Variants in ZMYM1 observed in about 807,000 individuals in gnomAD.
The protein encoded by ZMYM1 is zinc finger MYM-type containing 1.
In ZMYM1, 39 loss-of-function variants were observed where a neutral mutation model predicts 60.0. The observed-to-expected ratio is 0.65, with a 90% CI of 0.50 to 0.85. ZMYM1 has a LOEUF of 0.85. Ranked by LOEUF, ZMYM1 falls within the 40% of genes least tolerant of loss-of-function variation. The pLI, the probability that ZMYM1 is intolerant of heterozygous loss-of-function variation, is 0.00. For synonymous variants in ZMYM1, 413 were observed against 454.0 expected (o/e 0.91, Z 1.15); for missense variants, 1,171 against 1,309.5 (o/e 0.89, Z 1.63).
Position 35,114,082 on chromosome 1 carries a change from A to G in ZMYM1, c.2252A>G (p.Asp751Gly). ...ATACATTGTTATGCACACTTTTTGG[A>G]TTTATCAATAATTAGGTTTTGTAAA... is the stretch of plus-strand genomic sequence containing the variant. ...LYIHCYAHFL[D>G]LSIIRFCKEV... The change falls in exon 10 of 10, where the codon GAT becomes GGT. Residue 751 changes from aspartate to glycine, a missense_variant. By Grantham distance (94) the Asp-to-Gly change is moderately conservative (BLOSUM62 -1). Transcript: ENST00000359858. 2 of 1,611,764 alleles carry G rather than the reference A, an allele frequency of 1.2e-6. No individual in the cohort carries two copies. Among genetic ancestry groups the G allele is most frequent in the Non-Finnish European group, 1.7e-6 (2 of 1,179,346 alleles).
chr1:35,077,839 G>A (rs924733187), upstream of ZMYM1, among the ~76,000 whole-genome samples: 2 of 152,172 alleles, frequency 1.3e-5, no homozygotes, highest in African/African-American at 4.8e-5. Flanking sequence ...CGCACAGCTG[G>A]CTCTGCGTGA....
chr1:35,111,505 A>G (rs1310030330), intron 7 of ZMYM1, among the ~76,000 whole-genome samples: 1 of 152,226 alleles, frequency 6.6e-6, no homozygotes, highest in Non-Finnish European at 1.5e-5. Flanking sequence ...AATTTTAAAC[A>G]AATTCTTTAA....
chr1:35,090,919 C>T (rs568058348), intron 1 of ZMYM1, among the ~76,000 whole-genome samples: 2 of 151,800 alleles, frequency 1.3e-5, no homozygotes, highest in African/African-American at 2.4e-5. Context: ...GCACTCCATC[C>T]TGGGCAACGA....
intron 1 of ZMYM1, among the ~76,000 whole-genome samples, chr1:35,069,169 A>C (rs1034668870): frequency 3.9e-5 from 6 of 152,162 alleles, no homozygotes; most frequent in Admixed American, 1.3e-4. Context: ...AGGAACTTCT[A>C]TCCATTTTTC....
At chr1:35,067,071 C>T (rs560473952) in intron 1 of ZMYM1, among the ~76,000 whole-genome samples, 4 of 151,872 alleles carry the variant, frequency 2.6e-5, no homozygotes, top group Non-Finnish European at 5.9e-5. Context: ...CTCTGCCTCC[C>T]GGGTTCAGGT....
At position 35,086,102 on chromosome 1, in the gene ZMYM1, A is replaced by G. The variant is rs998409339; in HGVS notation, c.-75+6660A>G. On this transcript the variant is annotated intron_variant, in intron 1 of 9. Coordinates refer to ENST00000359858, the MANE Select transcript of ZMYM1 (RefSeq NM_024772.5). ...TTTAAACATTGTATTTGGGTTACTC[A>G]TGGTAAATTGTTATCACAGAAAATA... is the stretch of plus-strand genomic sequence containing the variant. 1.4e-4 allele frequency among the ~76,000 whole-genome samples: 22 copies of G among 152,332 alleles called. No individual in the cohort carries two copies. The East Asian group carries it at 2.1e-3, about 15-fold the overall frequency.
intron 1 of ZMYM1, among the ~76,000 whole-genome samples, chr1:35,092,150 T>G (rs1643049531): frequency 6.6e-6 from 1 of 152,164 alleles, no homozygotes; most frequent in African/African-American, 2.4e-5. Context: ...GGTCTCGAAC[T>G]CCTCACCTCA....
At position 35,113,312 on chromosome 1, in the gene ZMYM1, A is replaced by G. The variant is rs1251993295; in HGVS notation, c.1482A>G (p.Ser494=). The change falls in exon 10 of 10, where the codon TCA becomes TCG. Residue 494 remains serine (S), a synonymous_variant. Transcript: ENST00000359858. ...AATATTTTAGCTGTGGAAGAGAGTC[A>G]TTTGCAACCCACGGAACTTCTAATT... ...CQKYFSCGRE[S]FATHGTSNWK... is the part of the protein sequence containing the mutation. 1 of 1,612,938 alleles carries G rather than the reference A, an allele frequency of 6.2e-7. No homozygotes were observed. Among genetic ancestry groups the G allele is most frequent in the Non-Finnish European group, 8.5e-7 (1 of 1,179,354 alleles).
chr1:35,088,600 C>G (rs894113993), intron 1 of ZMYM1, among the ~76,000 whole-genome samples: 2 of 150,342 alleles, frequency 1.3e-5, no homozygotes, highest in African/African-American at 4.9e-5. Context: ...TACCTGTACT[C>G]TTTCATACTA....
chr1:35,082,027 A>G (rs937936961), intron 1 of ZMYM1, among the ~76,000 whole-genome samples: 3 of 152,164 alleles, frequency 2.0e-5, no homozygotes, highest in African/African-American at 7.2e-5. Flanking sequence ...TAAGCTTAAT[A>G]ACTTGGAGAT....
intron 1 of ZMYM1, among the ~76,000 whole-genome samples, chr1:35,069,402 C>T (rs1642030528): frequency 6.6e-6 from 1 of 152,108 alleles, no homozygotes; most frequent in Non-Finnish European, 1.5e-5. Flanking sequence ...TGAGAAATGT[C>T]TCTTAAGTTA....
upstream of ZMYM1, among the ~76,000 whole-genome samples, chr1:35,078,539 T>TTA (rs1429895901): frequency 7.5e-5 from 7 of 92,824 alleles, no homozygotes; most frequent in African/African-American, 2.0e-4. Context: ...TTATTTTAAT[T>TTA]TTTTTTTTTT....
chr1:35,081,417 A>G (rs780858946), intron 1 of ZMYM1, among the ~76,000 whole-genome samples: 1 of 151,294 alleles, frequency 6.6e-6, no homozygotes, highest in Non-Finnish European at 1.5e-5. Context: ...TAGGCTCTGT[A>G]TGCACATTGT....
At chr1:35,064,310 A>C (rs892125574) in intron 1 of ZMYM1, among the ~76,000 whole-genome samples, 7 of 110,996 alleles carry the variant, frequency 6.3e-5, no homozygotes, top group East Asian at 5.0e-4. Flanking sequence ...AAAAAAAAAA[A>C]AAACAAAAAA....
At chr1:35,061,820 TTTTATTTA>T (rs200627689) in intron 1 of ZMYM1, among the ~76,000 whole-genome samples, 2 of 145,642 alleles carry the variant, frequency 1.4e-5, no homozygotes, top group Non-Finnish European at 3.0e-5. Context: ...TCCCTTTTAT[TTTTATTTA>T]TTTATTTATT....
chr1:35,105,338 T>C (rs1316642560), intron 6 of ZMYM1, among the ~76,000 whole-genome samples: 2 of 151,888 alleles, frequency 1.3e-5, no homozygotes, highest in East Asian at 1.9e-4. Flanking sequence ...GGGGTTTCAC[T>C]GTGTTAGCCA....
At chr1:35,077,748 C>G (rs1331036212), upstream of ZMYM1, among the ~76,000 whole-genome samples, 2 of 152,186 alleles carry the variant, frequency 1.3e-5, no homozygotes, top group Non-Finnish European at 2.9e-5. Context: ...GGCTTCCCCC[C>G]ACCCACCAGT....
At chr1:35,092,171 C>G (rs1569921619) in intron 1 of ZMYM1, among the ~76,000 whole-genome samples, 1 of 152,270 alleles carries the variant, frequency 6.6e-6, no homozygotes, top group African/African-American at 2.4e-5. Flanking sequence ...GGTGATCTAC[C>G]TGCCTCGGCC....
chr1:35,081,483 C>T (rs1300093736), intron 1 of ZMYM1, among the ~76,000 whole-genome samples: 1 of 151,970 alleles, frequency 6.6e-6, no homozygotes, highest in South Asian at 2.1e-4. Context: ...GGATTTTCAT[C>T]TACAGCTTAA....
Sources: allele counts gnomAD v4.1 joint callset (sites outside exome capture counted in the v4.1 genomes callset), GRCh38; gene constraint gnomAD v4.1.1; transcripts MANE v1.5; gene names NCBI Gene and HGNC (gene_info 2026-07-23, HGNC 2026-07-21).